The following RB1 variants were observed in gnomAD, a reference collection of about 807,000 sequenced individuals.
RB1 encodes retinoblastoma-associated protein.
RB1 carries 18 observed loss-of-function variants against 135.4 expected under a neutral mutation model. The observed-to-expected ratio is 0.13, with a 90% confidence interval of 0.09 to 0.20. RB1 has a LOEUF of 0.20. Ranked by LOEUF, RB1 falls within the 10% of genes least tolerant of loss-of-function variation. RB1 has a pLI of 1.00. For synonymous variants in RB1, 365 were observed against 373.2 expected (o/e 0.98, Z 0.25); for missense variants, 868 against 1,110.0 (o/e 0.78, Z 3.10).
At chr13:48,464,115 A>C (rs1346083802) in intron 21 of RB1, among the ~76,000 whole-genome samples, 1 of 152,214 alleles carries the variant, frequency 6.6e-6, no homozygotes, top group East Asian at 1.9e-4. Flanking sequence ...TAAACTTGAC[A>C]TGAGTCATAG....
At chr13:48,309,185 TACTA>T (rs1217835345) in intron 2 of RB1, among the ~76,000 whole-genome samples, 16 of 152,196 alleles carry the variant, frequency 1.1e-4, no homozygotes, top group Non-Finnish European at 2.4e-4. Context: ...TAAGTTGAAT[TACTA>T]AATCAAAAGC....
At chr13:48,345,717 C>T (rs1192719545) in intron 4 of RB1, among the ~76,000 whole-genome samples, 2 of 152,172 alleles carry the variant, frequency 1.3e-5, no homozygotes, top group African/African-American at 4.8e-5. Flanking sequence ...CTGTACTTCC[C>T]TACCCCAAAT....
chr13:48,346,369 T>C (rs558142806), intron 4 of RB1, among the ~76,000 whole-genome samples: 1 of 102,052 alleles, frequency 9.8e-6, no homozygotes, highest in South Asian at 3.4e-4. Flanking sequence ...ATATTATATA[T>C]ATGTGTGTGT....
At position 48,459,781 on chromosome 13, in the gene RB1, A is replaced by G. The variant is rs2138336253; in HGVS notation, c.2054A>G (p.Gln685Arg). The change falls in exon 20 of 27, where the codon CAG (glutamine) becomes CGG (arginine). Residue 685 changes from glutamine (Q) to arginine (R), a missense_variant. Gln to Arg is a conservative substitution (Grantham distance 43). This residue lies in a region of RB1 where 31 missense variants were observed against 78.9 expected (regional missense o/e 0.39). Coordinates refer to ENST00000267163, the MANE Select transcript of RB1 (RefSeq NM_000321.3). Reference sequence around the variant, plus strand: ...GAACATATCATCTGGACCCTTTTCCAGCACACCCTGCAGAATGAGTATGAA... The same window carrying G: ...GAACATATCATCTGGACCCTTTTCCGGCACACCCTGCAGAATGAGTATGAA... The part of the protein sequence containing the change: ...ELEHIIWTLF[Q>R]HTLQNEYELM... 6.2e-7 allele frequency: 1 copy of G among 1,613,980 alleles called. No homozygotes were observed. Among genetic ancestry groups the G allele is most frequent in the African/African-American group, 1.3e-5 (1 of 74,982 alleles).
intron 2 of RB1, among the ~76,000 whole-genome samples, chr13:48,316,107 A>G (rs1420764231): frequency 1.3e-5 from 2 of 152,324 alleles, no homozygotes; most frequent in African/African-American, 4.8e-5. Context: ...ACCCAGGCCC[A>G]GGGCTGAGCT....
chr13:48,384,965 G>A (rs74075991), intron 17 of RB1, among the ~76,000 whole-genome samples: 30 of 152,314 alleles, frequency 2.0e-4, no homozygotes, highest in African/African-American at 7.2e-4. Context: ...CTAAGGGTTA[G>A]ATGAAATGAC....
chr13:48,410,591 T>G (rs1948785317), intron 17 of RB1, among the ~76,000 whole-genome samples: 1 of 152,228 alleles, frequency 6.6e-6, no homozygotes, highest in African/African-American at 2.4e-5. Context: ...TAAGTGCACC[T>G]TTAAAATGTA....
rs3782978 is a variant in RB1, at chr13:48,317,922, T to A, written c.264+10516T>A. On this transcript the variant is annotated intron_variant, in intron 2 of 26. Transcript: ENST00000267163. ...GAGCAGCAGGGCCCTCTGCCTGAAC[T>A]TCTGAACTGCTCAGACTCCTTGGCC... is the stretch of plus-strand genomic sequence containing the variant. 333 of 419,670 alleles carry A rather than the reference T, an allele frequency of 7.9e-4. 5 individuals are homozygous for A. In the East Asian group the frequency reaches 0.019, roughly 24 times the overall value. 26.0% of individuals were successfully genotyped at this position (419,670 alleles called of 1,614,324 possible).
At chr13:48,309,224 T>C (rs1198540529) in intron 2 of RB1, among the ~76,000 whole-genome samples, 2 of 152,204 alleles carry the variant, frequency 1.3e-5, no homozygotes, top group Non-Finnish European at 2.9e-5. Context: ...TGACTCTTGA[T>C]GATTATTGCT....
chr13:48,410,006 T>C (rs1215609578), intron 17 of RB1, among the ~76,000 whole-genome samples: 7 of 152,166 alleles, frequency 4.6e-5, no homozygotes, highest in Non-Finnish European at 1.0e-4. Flanking sequence ...ATAGTTTTGT[T>C]TAGTTATTTG....
At chr13:48,453,838 G>A (rs1261057382) in intron 18 of RB1, among the ~76,000 whole-genome samples, 2 of 152,168 alleles carry the variant, frequency 1.3e-5, no homozygotes, top group African/African-American at 2.4e-5. Flanking sequence ...TGAGTGAATC[G>A]ACATTTTACA....
intron 20 of RB1, among the ~76,000 whole-genome samples, chr13:48,461,854 A>G (rs978430712): frequency 6.6e-6 from 1 of 151,972 alleles, no homozygotes; most frequent in Non-Finnish European, 1.5e-5. Flanking sequence ...TATTTTTGAC[A>G]CGGAGTCTTG....
rs552421407 is a variant in RB1 at position 48,474,807 on chromosome 13, T to C, written c.2520+1417T>C. On this transcript the variant is annotated intron_variant, in intron 24 of 26. Coordinates refer to ENST00000267163, the MANE Select transcript of RB1 (RefSeq NM_000321.3). ...ATCCACAACCCTAGTTGGCCTTCCA[T>C]TAAAGTCACTAATTCAGCAGTCCCA... 3.9e-5 allele frequency among the ~76,000 whole-genome samples: 6 copies of C among 152,306 alleles called. No homozygotes were observed. In the East Asian group the frequency reaches 9.6e-4, roughly 24 times the overall value.
intron 12 of RB1, 107 bp downstream of exon 12, chr13:48,373,599 A>G (rs4151523): frequency 1.4e-6 from 1 of 696,886 alleles, no homozygotes; most frequent in Non-Finnish European, 2.6e-6. Context: ...CCTATCTAAC[A>G]TGTAGTTATC....
chr13:48,330,119 A>T (rs1952320166), intron 2 of RB1, among the ~76,000 whole-genome samples: 1 of 151,864 alleles, frequency 6.6e-6, no homozygotes. Context: ...AAAAAAAAAA[A>T]ATGTGATACA....
chr13:48,457,684 T>G (rs575999907), intron 19 of RB1, among the ~76,000 whole-genome samples: 7 of 152,124 alleles, frequency 4.6e-5, no homozygotes. Flanking sequence ...CCGCCTCGGC[T>G]TCCCCCCCGT....
At chr13:48,432,728 T>G (rs1345764503) in intron 17 of RB1, among the ~76,000 whole-genome samples, 1 of 152,198 alleles carries the variant, frequency 6.6e-6, no homozygotes, top group Non-Finnish European at 1.5e-5. Context: ...TTGTCCTAAC[T>G]ATGCTTGAGT....
At chr13:48,444,580 G>A (rs745715824) in intron 17 of RB1, 1 of 152,292 alleles carries the variant, frequency 6.6e-6, no homozygotes, top group African/African-American at 2.4e-5. Flanking sequence ...TATTGCAAAG[G>A]ATACAGATGA....
At chr13:48,411,556 C>T (rs371355582) in intron 17 of RB1, 19 of 1,613,692 alleles carry the variant, frequency 1.2e-5, no homozygotes, top group Non-Finnish European at 1.6e-5. Context: ...AAGTAGTAAA[C>T]TATAGGGTCA....
Sources: allele counts gnomAD v4.1 joint callset (sites outside exome capture counted in the v4.1 genomes callset), GRCh38; gene constraint gnomAD v4.1.1; regional missense constraint gnomAD v4.1.1; transcripts MANE v1.5; gene names NCBI Gene and HGNC (gene_info 2026-07-23, HGNC 2026-07-21).